SPAG16: variants seen among roughly 807,000 people sequenced by gnomAD.
SPAG16 encodes the protein sperm-associated antigen 16 protein.
In SPAG16, 86 loss-of-function variants were observed where a neutral mutation model predicts 80.4. The ratio of observed to expected loss-of-function variants is 1.07; its 90% CI spans 0.90 to 1.28. SPAG16 has a LOEUF of 1.28. Ranked by LOEUF, SPAG16 falls within the 50% of genes most tolerant of loss-of-function variation. The pLI is 0.00. For missense variants in SPAG16, 870 were observed against 765.3 expected (o/e 1.14, Z -1.61); for synonymous variants, 294 against 265.9 (o/e 1.11, Z -1.03).
At chr2:213,770,509 T>C (rs2069183848) in intron 10 of SPAG16, among the ~76,000 whole-genome samples, 1 of 152,196 alleles carries the variant, frequency 6.6e-6, no homozygotes, top group South Asian at 2.1e-4. Context: ...TGCAGGTTTG[T>C]TACATGGGGA....
intron 10 of SPAG16, among the ~76,000 whole-genome samples, chr2:213,773,805 G>C (rs2069405874): frequency 6.6e-6 from 1 of 152,090 alleles, no homozygotes; most frequent in Non-Finnish European, 1.5e-5. Flanking sequence ...ACCCGCCTCA[G>C]CCTCCCAAAG....
intron 9 of SPAG16, among the ~76,000 whole-genome samples, chr2:213,484,234 A>T (rs2073881667): frequency 6.6e-6 from 1 of 152,248 alleles, no homozygotes; most frequent in Admixed American, 6.5e-5. Flanking sequence ...AATTAAAAAT[A>T]TTTAAGTACA....
intron 11 of SPAG16, among the ~76,000 whole-genome samples, chr2:213,881,447 A>C (rs2076341361): frequency 6.6e-6 from 1 of 152,044 alleles, no homozygotes; most frequent in South Asian, 2.1e-4. Context: ...TTCTCTTTGG[A>C]TGCTATATGT....
intron 10 of SPAG16, among the ~76,000 whole-genome samples, chr2:213,860,349 A>G (rs1166281548): frequency 8.4e-6 from 1 of 118,454 alleles, no homozygotes; most frequent in Admixed American, 1.1e-4. Context: ...ACAGATATAT[A>G]TATATATATA....
At chr2:213,836,184 C>T (rs1190046931) in intron 10 of SPAG16, among the ~76,000 whole-genome samples, 1 of 145,192 alleles carries the variant, frequency 6.9e-6, no homozygotes, top group Non-Finnish European at 1.5e-5. Flanking sequence ...TCGCCCCCCC[C>T]CCCATTTCCT....
intron 10 of SPAG16, among the ~76,000 whole-genome samples, chr2:213,573,213 GGGAGCTGTAGACC>G (rs1351639759): frequency 2.6e-4 from 40 of 152,036 alleles, no homozygotes; most frequent in Middle Eastern, 3.4e-3. Flanking sequence ...CGGTCACGCT[GGGAGCTGTAGACC>G]GGAGCTGTTC....
intron 15 of SPAG16, among the ~76,000 whole-genome samples, chr2:214,168,142 A>G (rs2056736240): frequency 6.6e-6 from 1 of 151,680 alleles, no homozygotes. Flanking sequence ...GGCATGCACC[A>G]CCACACCCAG....
chr2:213,807,459 A>G (rs960543628), intron 10 of SPAG16, among the ~76,000 whole-genome samples: 3 of 151,980 alleles, frequency 2.0e-5, no homozygotes, highest in Non-Finnish European at 4.4e-5. Flanking sequence ...TGACCTCTAG[A>G]CTTGTACATC....
At chr2:213,337,470 C>G (rs1042006323) in intron 5 of SPAG16, among the ~76,000 whole-genome samples, 2 of 152,048 alleles carry the variant, frequency 1.3e-5, no homozygotes, top group Admixed American at 1.3e-4. Flanking sequence ...AAGCTAAGAA[C>G]CATGATAAAA....
chr2:214,299,243 C>CTTTTTTTTTTTTTTTTTTTTTTTTTT (rs33961996), intron 15 of SPAG16, among the ~76,000 whole-genome samples: 1 of 57,686 alleles, frequency 1.7e-5, no homozygotes, highest in Non-Finnish European at 3.1e-5. Flanking sequence ...GTGTAGTATA[C>CTTTTTTTTTTTTTTTTTTTTTTTTTT]TTTTTTTTTT....
At chr2:213,798,673 G>T (rs1045539276) in intron 10 of SPAG16, among the ~76,000 whole-genome samples, 2 of 152,140 alleles carry the variant, frequency 1.3e-5, no homozygotes, top group Admixed American at 6.5e-5. Flanking sequence ...CCAAGATTAT[G>T]AAAATTTACT....
At chr2:213,619,514 T>C (rs149384850) in intron 10 of SPAG16, among the ~76,000 whole-genome samples, 109 of 152,154 alleles carry the variant, frequency 7.2e-4, no homozygotes, top group African/African-American at 2.5e-3. Context: ...AGCGTATGAA[T>C]AGACATTCCT....
chr2:213,991,732 C>T, intron 12 of SPAG16, among the ~76,000 whole-genome samples: 1 of 152,042 alleles, frequency 6.6e-6, no homozygotes, highest in East Asian at 1.9e-4. Flanking sequence ...TTTCCTGGGA[C>T]TTTTAATGGG....
At chr2:213,393,585 C>G (rs1178603701) in intron 9 of SPAG16, among the ~76,000 whole-genome samples, 2 of 151,786 alleles carry the variant, frequency 1.3e-5, no homozygotes, top group African/African-American at 4.8e-5. Flanking sequence ...ACAGTGCTGC[C>G]AAGAATATTC....
At chr2:214,229,685 G>A (rs1344107483) in intron 15 of SPAG16, among the ~76,000 whole-genome samples, 1 of 151,552 alleles carries the variant, frequency 6.6e-6, no homozygotes, top group Non-Finnish European at 1.5e-5. Flanking sequence ...ATAGTTCACA[G>A]CTTATTTTAT....
chr2:214,005,510 A>G (rs909673018), intron 12 of SPAG16, among the ~76,000 whole-genome samples: 11 of 152,154 alleles, frequency 7.2e-5, no homozygotes, highest in Non-Finnish European at 1.6e-4. Context: ...TGGCCTGGCC[A>G]TGATCCAACC....
intron 10 of SPAG16, among the ~76,000 whole-genome samples, chr2:213,818,916 C>T (rs79028107): frequency 0.016 from 2,463 of 152,250 alleles, 34 homozygotes; most frequent in Non-Finnish European, 0.024. Flanking sequence ...AAGCCTCCCC[C>T]GCCATGTGAA....
chr2:213,423,317 G>A (rs150972991), intron 9 of SPAG16, among the ~76,000 whole-genome samples: 1 of 152,128 alleles, frequency 6.6e-6, no homozygotes, highest in East Asian at 1.9e-4. Context: ...CTTTCTTTGT[G>A]TGTAGCTCCT....
intron 15 of SPAG16, among the ~76,000 whole-genome samples, chr2:214,201,252 A>G (rs1380101138): frequency 6.6e-6 from 1 of 152,226 alleles, no homozygotes; most frequent in Non-Finnish European, 1.5e-5. Context: ...ATTCCTGACT[A>G]AACACTTTCG....
Sources: gnomAD v4.1 joint callset for allele counts (sites outside exome capture counted in the v4.1 genomes callset) on GRCh38, gnomAD v4.1.1 for gene constraint, MANE v1.5 for transcripts, NCBI Gene and HGNC (gene_info 2026-07-23, HGNC 2026-07-21) for gene names.